The following MTUS2 variants were observed in gnomAD, a reference collection of about 807,000 sequenced individuals.
MTUS2 encodes the protein microtubule associated scaffold protein 2.
A neutral mutation model predicts 114.1 loss-of-function variants in MTUS2; 40 were observed. That is an observed-to-expected ratio of 0.35 (90% CI 0.27 to 0.46). The LOEUF (loss-of-function observed/expected upper bound fraction) is 0.46. Ranked by LOEUF, MTUS2 falls within the 20% of genes least tolerant of loss-of-function variation. The pLI is 1.00. For synonymous variants in MTUS2, 688 were observed against 672.0 expected (o/e 1.02, Z -0.37); for missense variants, 1,679 against 1,705.4 (o/e 0.98, Z 0.27).
chr13:29,064,177 C>T (rs139187698), intron 4 of MTUS2, among the ~76,000 whole-genome samples: 6 of 152,156 alleles, frequency 3.9e-5, no homozygotes, highest in Non-Finnish European at 8.8e-5. Context: ...GGGAACTGGG[C>T]CTGGAATAAT....
chr13:29,051,112 G>T (rs1887874564), intron 4 of MTUS2, among the ~76,000 whole-genome samples: 1 of 152,218 alleles, frequency 6.6e-6, no homozygotes, highest in African/African-American at 2.4e-5. Context: ...AATGGCAGAA[G>T]CGGAGAGGTC....
intron 2 of MTUS2, among the ~76,000 whole-genome samples, chr13:28,950,453 T>C (rs1398386679): frequency 6.6e-6 from 1 of 152,216 alleles, no homozygotes; most frequent in Non-Finnish European, 1.5e-5. Context: ...TTTAGTGTAG[T>C]CAGATTTACC....
In MTUS2 at chr13:29,487,656, GGT is replaced by G; in HGVS notation, c.3400-243_3400-242del. The stretch of plus-strand genomic sequence containing the variant: ...GGAGCCACACTCAGGACTCTAAAGA[GGT>G]ACCTCAGGCAGTGATCCCCTGCCTG... On this transcript the variant is annotated intron_variant, in intron 10 of 15. Transcript: ENST00000612955. 5.6e-6 allele frequency: 3 copies of G among 539,220 alleles called. 1 individual carries two copies. The South Asian group carries it at 6.1e-5, about 11-fold the overall frequency. 33.4% of individuals were successfully genotyped at this position (539,220 alleles called of 1,614,324 possible). A position where few individuals can be genotyped will look rare whatever the true frequency, so the allele number is the denominator to read the frequency against.
intron 2 of MTUS2, among the ~76,000 whole-genome samples, chr13:28,885,684 A>G (rs905983920): frequency 2.0e-4 from 31 of 152,218 alleles, no homozygotes; most frequent in African/African-American, 6.8e-4. Context: ...GTATGGACCA[A>G]TCTTAAAGGT....
intron 5 of MTUS2, among the ~76,000 whole-genome samples, chr13:29,238,658 T>C (rs1008173789): frequency 1.3e-5 from 2 of 152,186 alleles, no homozygotes; most frequent in Non-Finnish European, 2.9e-5. Flanking sequence ...AAGGGGATAG[T>C]GCTCACCCAG....
chr13:29,265,735 G>T (rs1220172162), intron 5 of MTUS2, among the ~76,000 whole-genome samples: 1 of 152,286 alleles, frequency 6.6e-6, no homozygotes, highest in East Asian at 1.9e-4. Context: ...CAAGGAGGGG[G>T]TCTGCTACAA....
At chr13:29,492,324 G>A (rs891109015) in intron 11 of MTUS2, among the ~76,000 whole-genome samples, 13 of 151,346 alleles carry the variant, frequency 8.6e-5, no homozygotes, top group African/African-American at 3.2e-4. Context: ...GTGTATGTGT[G>A]GCATGTGGTG....
intron 1 of MTUS2, among the ~76,000 whole-genome samples, chr13:28,828,517 A>G (rs1048959702): frequency 1.3e-5 from 2 of 152,218 alleles, no homozygotes; most frequent in African/African-American, 4.8e-5. Flanking sequence ...GATTGCAGTA[A>G]AGACAGGTGT....
chr13:29,310,497 T>G (rs899216194), intron 6 of MTUS2, among the ~76,000 whole-genome samples: 2 of 152,158 alleles, frequency 1.3e-5, no homozygotes, highest in Admixed American at 1.3e-4. Context: ...ATGAATATTA[T>G]GAAAGATGAT....
chr13:29,415,644 G>C (rs1474055764), intron 8 of MTUS2, among the ~76,000 whole-genome samples: 1 of 152,074 alleles, frequency 6.6e-6, no homozygotes, highest in East Asian at 1.9e-4. Flanking sequence ...TTTAAATTGT[G>C]AGCTGAACAG....
At chr13:29,392,515 C>G (rs1267529928) in intron 8 of MTUS2, among the ~76,000 whole-genome samples, 2 of 152,116 alleles carry the variant, frequency 1.3e-5, no homozygotes, top group Non-Finnish European at 2.9e-5. Context: ...GGCTCTTGCC[C>G]TGGGGAAATT....
chr13:29,398,748 A>G (rs557925648), intron 8 of MTUS2, among the ~76,000 whole-genome samples: 43 of 152,224 alleles, frequency 2.8e-4, no homozygotes, highest in Non-Finnish European at 4.1e-4. Context: ...CAATTTTTTT[A>G]AAAAATCACA....
intron 5 of MTUS2, among the ~76,000 whole-genome samples, chr13:29,120,492 A>G (rs7328620): frequency 2.4e-3 from 372 of 152,164 alleles, no homozygotes; most frequent in African/African-American, 8.5e-3. Flanking sequence ...ATTACTTTCT[A>G]TTTTCATGTA....
intron 2 of MTUS2, among the ~76,000 whole-genome samples, chr13:28,912,849 C>T (rs558399423): frequency 5.3e-5 from 8 of 151,792 alleles, no homozygotes; most frequent in Non-Finnish European, 7.4e-5. Flanking sequence ...GGAATGCTAG[C>T]GATTTTTGCA....
In MTUS2 at chr13:28,950,433, A is replaced by G. The variant is rs555933429; in HGVS notation, c.-242-74024A>G. 7.6e-4 allele frequency among the ~76,000 whole-genome samples: 116 copies of G among 152,356 alleles called. 1 individual carries two copies. Among genetic ancestry groups the G allele is most frequent in the African/African-American group, 2.7e-3 (112 of 41,580 alleles). On this transcript the variant is annotated intron_variant, in intron 2 of 15. Transcript: ENST00000612955. ...CTATGTTAATGACAATTTTTGATAC[A>G]TAGAAGTCTTTTAGTGTAGTCAGAT...
chr13:28,924,188 T>C (rs1034246884), intron 2 of MTUS2, among the ~76,000 whole-genome samples: 3 of 152,206 alleles, frequency 2.0e-5, no homozygotes, highest in African/African-American at 7.2e-5. Context: ...GTGCTGCTTA[T>C]ACAGTCCTAG....
At chr13:29,178,535 A>G (rs1893868418) in intron 5 of MTUS2, among the ~76,000 whole-genome samples, 1 of 152,126 alleles carries the variant, frequency 6.6e-6, no homozygotes, top group Admixed American at 6.6e-5. Flanking sequence ...GAACTGTAGG[A>G]TGATTAGCAA....
intron 5 of MTUS2, among the ~76,000 whole-genome samples, chr13:29,142,427 G>C (rs1245966281): frequency 1.3e-5 from 2 of 152,172 alleles, no homozygotes; most frequent in Non-Finnish European, 2.9e-5. Context: ...CATGAGACTG[G>C]GCGTGGTGGC....
intron 2 of MTUS2, among the ~76,000 whole-genome samples, chr13:28,942,563 A>C (rs1882300844): frequency 6.6e-6 from 1 of 152,250 alleles, no homozygotes; most frequent in Non-Finnish European, 1.5e-5. Flanking sequence ...GAAACAACCC[A>C]GATGTCCTTC....
Sources: gnomAD v4.1 joint callset for allele counts (sites outside exome capture counted in the v4.1 genomes callset) on GRCh38, gnomAD v4.1.1 for gene constraint, MANE v1.5 for transcripts, NCBI Gene and HGNC (gene_info 2026-07-23, HGNC 2026-07-21) for gene names.